RALGPS1: variants seen among roughly 807,000 people sequenced by gnomAD.
RALGPS1 encodes the protein ras-specific guanine nucleotide-releasing factor RalGPS1.
Under a neutral mutation model 78.8 loss-of-function variants are expected in RALGPS1, and 19 were observed. That is an observed-to-expected ratio of 0.24 (90% CI 0.17 to 0.35). RALGPS1 has a LOEUF of 0.35. Among genes scored for constraint, RALGPS1 ranks in the 10% least tolerant of loss-of-function variants. RALGPS1 has a pLI of 1.00. For missense variants in RALGPS1, 454 were observed against 688.3 expected, an observed-to-expected ratio of 0.66 and a Z score of 3.81; for synonymous variants, 228 against 256.3, an observed-to-expected ratio of 0.89 and a Z score of 1.06.
intron 1 of RALGPS1, among the ~76,000 whole-genome samples, chr9:126,922,716 T>C (rs937406935): frequency 1.3e-5 from 2 of 152,194 alleles, no homozygotes; most frequent in African/African-American, 2.4e-5. Flanking sequence ...AGTACAATTG[T>C]GCCCACCAGT....
chr9:126,942,447 G>A (rs779658627), intron 1 of RALGPS1, among the ~76,000 whole-genome samples: 2 of 152,072 alleles, frequency 1.3e-5, no homozygotes, highest in Non-Finnish European at 2.9e-5. Flanking sequence ...CAAGTGAATA[G>A]TAAATAGTTT....
At chr9:127,169,942 AC>A (rs2059481568) in intron 10 of RALGPS1, among the ~76,000 whole-genome samples, 1 of 152,170 alleles carries the variant, frequency 6.6e-6, no homozygotes, top group Admixed American at 6.5e-5. Flanking sequence ...AATATTTTCA[AC>A]TTATGATGGG....
At chr9:127,102,910 G>A (rs973191464) in intron 8 of RALGPS1, among the ~76,000 whole-genome samples, 14 of 152,220 alleles carry the variant, frequency 9.2e-5, no homozygotes, top group Non-Finnish European at 1.5e-4. Flanking sequence ...AACAGCACAC[G>A]CTCTGGAGGC....
At chr9:127,178,413 A>T in intron 11 of RALGPS1, 1 of 1,019,882 alleles carries the variant, frequency 9.8e-7, no homozygotes, top group Non-Finnish European at 1.2e-6. Context: ...TGGGCATAAA[A>T]TCTTCCTCCT....
chr9:127,204,803 C>T (rs2061844903), intron 14 of RALGPS1, among the ~76,000 whole-genome samples: 1 of 152,222 alleles, frequency 6.6e-6, no homozygotes, highest in African/African-American at 2.4e-5. Flanking sequence ...TGACAGAGCA[C>T]CAAGTCTCCT....
chr9:127,208,688 C>A (rs2062068669), intron 14 of RALGPS1, among the ~76,000 whole-genome samples: 1 of 152,142 alleles, frequency 6.6e-6, no homozygotes, highest in African/African-American at 2.4e-5. Context: ...CCCTGGTGTC[C>A]CTGTGCTCCC....
At chr9:127,172,236 C>G (rs750563531) in intron 10 of RALGPS1, among the ~76,000 whole-genome samples, 2 of 152,210 alleles carry the variant, frequency 1.3e-5, no homozygotes, top group African/African-American at 4.8e-5. Flanking sequence ...TGCTGGCTGC[C>G]CTCCTTTGTT....
rs758909671 is a variant in RALGPS1 at position 127,218,783 on chromosome 9, G to A, written c.*14G>A. The A allele has an allele frequency of 2.1e-5, 34 of 1,613,264 alleles. No homozygotes were observed. Among genetic ancestry groups the A allele is most frequent in the South Asian group, 5.5e-5 (5 of 91,074 alleles). The stretch of plus-strand genomic sequence containing the variant: ...TCATTTGAGTAAGTCTCTGCAGGAC[G>A]TGGCATGACTTCAGAGGCTTCTGGG... On this transcript the variant is annotated 3_prime_UTR_variant, in exon 19 of 19. Transcript: ENST00000259351. This position sits in a 1 kb window ranked among gnomAD's most constrained non-coding sequence, Gnocchi z 4.4.
rs183482358 is a variant in RALGPS1, at chr9:126,963,860, A to G, written c.57+1514A>G. ...AGAAAATCCACCCTGTCACCCTGAT[A>G]TATTCTGTTTTCTGGAAGGTGGGTA... On this transcript the variant is annotated intron_variant, in intron 2 of 18. Coordinates refer to ENST00000259351, the MANE Select transcript of RALGPS1 (RefSeq NM_014636.3). Among the ~76,000 whole-genome samples the G allele has an allele frequency of 7.9e-5, 12 of 152,314 alleles. No individual in the cohort carries two copies. The South Asian group carries it at 1.0e-3, about 13-fold the overall frequency.
intron 4 of RALGPS1, among the ~76,000 whole-genome samples, chr9:127,010,178 C>T (rs774057458): frequency 3.3e-5 from 5 of 152,082 alleles, no homozygotes; most frequent in Non-Finnish European, 7.4e-5. Context: ...GTCATGGAGG[C>T]TAGAGGTGGG....
At chr9:127,108,362 G>A (rs1318619602) in intron 8 of RALGPS1, 6 of 1,611,262 alleles carry the variant, frequency 3.7e-6, no homozygotes, top group African/African-American at 1.3e-5. Context: ...CTCTCCTTGC[G>A]CAGCAGCTTC....
In RALGPS1 at chr9:127,091,555, C is replaced by T. The variant is rs1008664024; in HGVS notation, c.610+22199C>T. 4.9e-6 allele frequency: 7 copies of T among 1,427,328 alleles called. No homozygotes were observed. The highest frequency in any genetic ancestry group is 2.8e-5 in the African/African-American group (2 of 70,242). 88.4% of individuals were successfully genotyped at this position (1,427,328 alleles called of 1,614,324 possible). On this transcript the variant is annotated intron_variant, in intron 8 of 18. Transcript: ENST00000259351. This position sits in a 1 kb window ranked among gnomAD's most constrained non-coding sequence, Gnocchi z 4.3. ...TGGTAACAGGGTCAGGCAGCTTGGCCCAGCTGCTTCTCACCCTGGGATCTT... is the reference window on the plus strand; with the variant it reads ...TGGTAACAGGGTCAGGCAGCTTGGCTCAGCTGCTTCTCACCCTGGGATCTT...
At chr9:127,004,384 G>T (rs546828995) in intron 4 of RALGPS1, among the ~76,000 whole-genome samples, 1 of 152,366 alleles carries the variant, frequency 6.6e-6, no homozygotes, top group South Asian at 2.1e-4. Flanking sequence ...GACCTCAGGT[G>T]ATCCACCTGC....
intron 4 of RALGPS1, among the ~76,000 whole-genome samples, chr9:127,029,743 G>A (rs1589110981): frequency 6.6e-6 from 1 of 152,170 alleles, no homozygotes; most frequent in African/African-American, 2.4e-5. Flanking sequence ...GAGAGGACTT[G>A]TCACCACTCC....
intron 8 of RALGPS1, among the ~76,000 whole-genome samples, chr9:127,095,087 G>A (rs2052956410): frequency 6.6e-6 from 1 of 152,210 alleles, no homozygotes. Context: ...ATCACATTTT[G>A]CTTCAGTCTC....
chr9:126,931,193 AC>A (rs1302550817), intron 1 of RALGPS1, among the ~76,000 whole-genome samples: 1 of 152,190 alleles, frequency 6.6e-6, no homozygotes, highest in Non-Finnish European at 1.5e-5. Flanking sequence ...GATACCGCTT[AC>A]ATCTCAGTCA....
At position 127,212,640 on chromosome 9, in the gene RALGPS1, C is replaced by T. The variant is rs1361313114; in HGVS notation, c.1367C>T (p.Thr456Ile). The T allele has an allele frequency of 1.2e-6, 2 of 1,610,946 alleles. No individual in the cohort carries two copies. Among genetic ancestry groups the T allele is most frequent in the South Asian group, 1.1e-5 (1 of 90,764 alleles). The change falls in exon 16 of 19, where the codon ACC becomes ATC. Residue 456 changes from threonine (T) to isoleucine (I), a missense_variant. By Grantham distance (89) the Thr-to-Ile change is moderately conservative. Transcript: ENST00000259351. The surrounding 1 kb of genome is among the most constrained non-coding windows in gnomAD (Gnocchi z 6.0). ...CTTCCTCTGTAGCTGTCCTCGTGGA[C>T]CAGGTACTGGGTCATACTCTCAGGA... ...EGRKPALSSW[T>I]RYWVILSGST...
At chr9:127,093,819 G>A in intron 8 of RALGPS1, 1 of 1,614,114 alleles carries the variant, frequency 6.2e-7, no homozygotes, top group Non-Finnish European at 8.5e-7. Flanking sequence ...TCGTGTCTCT[G>A]GTCGCACCAC....
At chr9:127,019,246 CT>C (rs1165387930) in intron 4 of RALGPS1, among the ~76,000 whole-genome samples, 1 of 152,170 alleles carries the variant, frequency 6.6e-6, no homozygotes, top group Non-Finnish European at 1.5e-5. Context: ...AGATAAGAAA[CT>C]TAGATGAGAA....
Sources: gnomAD v4.1 joint callset for allele counts (sites outside exome capture counted in the v4.1 genomes callset) on GRCh38, gnomAD v4.1.1 for gene constraint, Gnocchi (gnomAD v3.1) non-coding constraint, MANE v1.5 for transcripts, NCBI Gene and HGNC (gene_info 2026-07-23, HGNC 2026-07-21) for gene names.